The following CHST9 variants were observed in gnomAD, a reference collection of about 807,000 sequenced individuals.
CHST9 encodes the protein carbohydrate sulfotransferase 9.
A neutral mutation model predicts 44.4 loss-of-function variants in CHST9; 41 were observed. The observed-to-expected ratio is 0.92, with a 90% CI of 0.72 to 1.20. The LOEUF is 1.20. CHST9 is among the 50% of genes most tolerant of loss of function. The probability of loss-of-function intolerance (pLI) is 0.00; values close to 1 mark genes in which losing one functional copy is unlikely to be tolerated. For synonymous variants in CHST9, 171 were observed against 178.4 expected (o/e 0.96, Z 0.33); for missense variants, 504 against 516.5 (o/e 0.98, Z 0.23).
At chr18:27,170,257 ATC>A (rs2058824345) in intron 1 of CHST9, among the ~76,000 whole-genome samples, 1 of 152,142 alleles carries the variant, frequency 6.6e-6, no homozygotes, top group Admixed American at 6.5e-5. Context: ...TTCTCACATT[ATC>A]TCTCTTTCTT....
chr18:26,919,959 C>T (rs1251528655), intron 5 of CHST9, among the ~76,000 whole-genome samples: 1 of 152,132 alleles, frequency 6.6e-6, no homozygotes, highest in Non-Finnish European at 1.5e-5. Context: ...AGGACATCAC[C>T]CAGCAAAGCC....
At chr18:26,952,818 G>A (rs988882074) in intron 4 of CHST9, among the ~76,000 whole-genome samples, 1 of 152,208 alleles carries the variant, frequency 6.6e-6, no homozygotes, top group East Asian at 1.9e-4. Flanking sequence ...CCTCAAGGAG[G>A]TCAGGGTCAG....
intron 2 of CHST9, among the ~76,000 whole-genome samples, chr18:27,059,537 G>A (rs2057696452): frequency 6.6e-6 from 1 of 152,170 alleles, no homozygotes; most frequent in Non-Finnish European, 1.5e-5. Context: ...AATGATATGA[G>A]TCCAAACAGA....
At chr18:27,042,310 T>C (rs2057454408) in intron 3 of CHST9, among the ~76,000 whole-genome samples, 1 of 152,072 alleles carries the variant, frequency 6.6e-6, no homozygotes, top group South Asian at 2.1e-4. Flanking sequence ...CAGTGCAAAA[T>C]GACCAGGCTT....
chr18:27,142,227 A>G (rs1031163388), intron 2 of CHST9, among the ~76,000 whole-genome samples: 1 of 152,222 alleles, frequency 6.6e-6, no homozygotes, highest in East Asian at 1.9e-4. Flanking sequence ...CTAGTCCTTT[A>G]TAGAAAAGAT....
Position 27,053,275 on chromosome 18 carries a change from A to G in CHST9, c.122-4772T>C, listed in dbSNP as rs557657888. On this transcript the variant is annotated intron_variant, in intron 2 of 5. Coordinates refer to ENST00000618847, the MANE Select transcript of CHST9 (RefSeq NM_031422.6). ...AAGAAGAAGAAGGAGAAGGAGAAGG[A>G]GAAGGAGAAGGAGAAGGAGAAGGAG... Among the ~76,000 whole-genome samples the G allele has an allele frequency of 1.2e-3, 157 of 125,714 alleles. 3 individuals are homozygous for G. Among genetic ancestry groups the G allele is most frequent in the African/African-American group, 4.5e-3 (144 of 32,348 alleles). 82.5% of individuals were successfully genotyped at this position (125,714 alleles called of 152,430 possible).
At chr18:27,149,412 A>C (rs1040001268) in intron 1 of CHST9, among the ~76,000 whole-genome samples, 1 of 152,080 alleles carries the variant, frequency 6.6e-6, no homozygotes, top group African/African-American at 2.4e-5. Flanking sequence ...CACGGTATAG[A>C]CGTACCACAT....
chr18:27,082,839 T>C (rs2057973626), intron 2 of CHST9, among the ~76,000 whole-genome samples: 1 of 152,194 alleles, frequency 6.6e-6, no homozygotes, highest in Admixed American at 6.5e-5. Context: ...TTTCTCTAAA[T>C]GCTTACTTGG....
intron 1 of CHST9, among the ~76,000 whole-genome samples, chr18:27,183,030 C>G (rs2058925548): frequency 6.6e-6 from 1 of 151,738 alleles, no homozygotes; most frequent in Admixed American, 6.6e-5. Flanking sequence ...AAATGCTACC[C>G]TTGTGACCAG....
intron 1 of CHST9, among the ~76,000 whole-genome samples, chr18:27,144,864 G>C (rs1178285806): frequency 6.6e-6 from 1 of 151,982 alleles, no homozygotes; most frequent in Non-Finnish European, 1.5e-5. Context: ...TGTCAACCCT[G>C]CGTTTCTACA....
chr18:27,169,598 CTTT>C lies in CHST9; in HGVS notation c.-97+15535_-97+15537del, dbSNP rs1156859087. Among the ~76,000 whole-genome samples, 378 of 82,188 alleles carry C rather than the reference CTTT, an allele frequency of 4.6e-3. 1 individual carries two copies. The highest frequency in any genetic ancestry group is 0.018 in the African/African-American group (367 of 20,062). 53.9% of individuals were successfully genotyped at this position (82,188 alleles called of 152,430 possible). ...CAAAATGTATAAAACATATATTCTT[CTTT>C]TTTTTTTTTTTTTTTTTTTTTTGAG... On this transcript the variant is annotated intron_variant, in intron 1 of 5. Transcript: ENST00000618847.
At chr18:26,984,659 T>C (rs2056732713) in intron 4 of CHST9, among the ~76,000 whole-genome samples, 2 of 133,508 alleles carry the variant, frequency 1.5e-5, no homozygotes, top group South Asian at 2.3e-4. Flanking sequence ...ATCAATAAGG[T>C]AAAGTCAATC....
intron 2 of CHST9, among the ~76,000 whole-genome samples, chr18:27,068,191 T>A (rs1568159052): frequency 6.6e-6 from 1 of 152,254 alleles, no homozygotes; most frequent in Non-Finnish European, 1.5e-5. Context: ...ATTGCTCCTC[T>A]GTCCTTCCCA....
At chr18:27,082,007 TCTGA>T (rs1434421485) in intron 2 of CHST9, among the ~76,000 whole-genome samples, 1 of 152,194 alleles carries the variant, frequency 6.6e-6, no homozygotes, top group Non-Finnish European at 1.5e-5. Context: ...TATCAGCCAG[TCTGA>T]CTAAATGTTT....
chr18:26,918,389 G>A (rs2055577750), intron 5 of CHST9, among the ~76,000 whole-genome samples: 1 of 152,118 alleles, frequency 6.6e-6, no homozygotes, highest in Non-Finnish European at 1.5e-5. Flanking sequence ...TAAATTCTGT[G>A]CTGTGGACAT....
At chr18:27,148,131 C>T (rs1048304312) in intron 1 of CHST9, among the ~76,000 whole-genome samples, 6 of 152,024 alleles carry the variant, frequency 3.9e-5, no homozygotes, top group Non-Finnish European at 7.4e-5. Flanking sequence ...TTTTCTGTTC[C>T]TGGGTTAGTT....
intron 3 of CHST9, among the ~76,000 whole-genome samples, chr18:27,029,960 C>A (rs1036052694): frequency 5.3e-5 from 8 of 152,328 alleles, no homozygotes; most frequent in Middle Eastern, 3.4e-3. Context: ...TTTTGAAGAA[C>A]TTCCTAGTCC....
At chr18:27,101,813 G>A (rs574590517) in intron 2 of CHST9, among the ~76,000 whole-genome samples, 3 of 152,046 alleles carry the variant, frequency 2.0e-5, no homozygotes, top group African/African-American at 7.2e-5. Context: ...TTAGACTGGC[G>A]GCACAAAATG....
At chr18:26,988,676 C>T (rs1004200503) in intron 4 of CHST9, among the ~76,000 whole-genome samples, 4 of 152,098 alleles carry the variant, frequency 2.6e-5, no homozygotes, top group African/African-American at 9.7e-5. Context: ...ACTTGAAAAA[C>T]ATCATTAATC....
Sources: gnomAD v4.1 joint callset for allele counts (sites outside exome capture counted in the v4.1 genomes callset) on GRCh38, gnomAD v4.1.1 for gene constraint, MANE v1.5 for transcripts, NCBI Gene and HGNC (gene_info 2026-07-23, HGNC 2026-07-21) for gene names.